The following INTS5 variants were observed in gnomAD, a reference collection of about 807,000 sequenced individuals.
INTS5 encodes integrator complex subunit 5.
Under a neutral mutation model 60.0 loss-of-function variants are expected in INTS5, and 29 were observed. The ratio of observed to expected loss-of-function variants is 0.48; its 90% CI spans 0.36 to 0.66. The LOEUF is 0.66. Ranked by LOEUF, INTS5 falls within the 30% of genes least tolerant of loss-of-function variation. The probability of loss-of-function intolerance (pLI) is 0.00; values close to 1 mark genes in which losing one functional copy is unlikely to be tolerated. For missense variants in INTS5, 1,129 were observed against 1,307.9 expected (o/e 0.86, Z 2.11); for synonymous variants, 588 against 558.8 (o/e 1.05, Z -0.74).
At position 62,648,938 on chromosome 11, in the gene INTS5, CG is replaced by C; in HGVS notation, c.1141del (p.Arg381GlufsTer8). 1 of 1,612,530 alleles carries C rather than the reference CG, an allele frequency of 6.2e-7. No individual in the cohort carries two copies. The highest frequency in any genetic ancestry group is 8.5e-7 in the Non-Finnish European group (1 of 1,179,208). On this transcript the variant is annotated frameshift_variant, in exon 2 of 2. Coordinates refer to ENST00000330574, the MANE Select transcript of INTS5 (RefSeq NM_030628.2). LOFTEE classifies it high-confidence loss of function. This position sits in a 1 kb window ranked among gnomAD's most constrained non-coding sequence, Gnocchi z 4.4. Reference sequence around the variant, plus strand: ...GTTCAACATGTTGTCCAGCTCCTCTCGGGGGAATCCTTGAAGGTGTTGCTGC... The same window carrying C: ...GTTCAACATGTTGTCCAGCTCCTCTCGGGGAATCCTTGAAGGTGTTGCTGC... The part of the protein sequence containing the change: ...QLQQHLQGFP[R>X]EELDNMLNLA...
Position 62,649,340 on chromosome 11 carries a change from A to C in INTS5, c.740T>G (p.Leu247Arg). ...TIISRVLSCG[L>R]KDFCVHGGAG... ...CCCACCATGGACACAAAAGTCCTTA[A>C]GGCCACAGGAGAGAACCCGGGAAAT... The change falls in exon 2 of 2, where the codon CTT becomes CGT. Residue 247 changes from leucine to arginine, a missense_variant. Transcript: ENST00000330574. This position sits in a 1 kb window ranked among gnomAD's most constrained non-coding sequence, Gnocchi z 6.0. The C allele has an allele frequency of 6.2e-7, 1 of 1,614,140 alleles. No homozygotes were observed. The highest frequency in any genetic ancestry group is 1.1e-5 in the South Asian group (1 of 91,084).
rs1944581294 is a variant in INTS5, at chr11:62,649,949, G to A, written c.131C>T (p.Pro44Leu). The change falls in exon 2 of 2, where the codon CCC becomes CTC. Residue 44 changes from proline (P) to leucine (L), a missense_variant. Transcript: ENST00000330574. This position sits in a 1 kb window ranked among gnomAD's most constrained non-coding sequence, Gnocchi z 6.0. ...EIKAFLTGVDPILGHQLSARE... is the reference protein window; with the variant it reads ...EIKAFLTGVDLILGHQLSARE... Reference sequence around the variant, plus strand: ...GGCTGAGAGTTGGTGGCCCAGAATGGGGTCTACGCCAGTCAGAAAAGCCTT... The same window carrying A: ...GGCTGAGAGTTGGTGGCCCAGAATGAGGTCTACGCCAGTCAGAAAAGCCTT... 1 of 1,614,060 alleles carries A rather than the reference G, an allele frequency of 6.2e-7. No individual in the cohort carries two copies. The highest frequency in any genetic ancestry group is 1.3e-5 in the African/African-American group (1 of 74,924).
At position 62,650,419 on chromosome 11, in the gene INTS5, G is replaced by C. The variant is rs568674936; in HGVS notation, c.81-420C>G. On this transcript the variant is annotated intron_variant, in intron 1 of 1. Coordinates refer to ENST00000330574, the MANE Select transcript of INTS5 (RefSeq NM_030628.2). ...GCGTGAGCCACCGCGCCCGGCCTTT[G>C]TTTTGTTTTTTGAGATAGAGTCTTG... Among the ~76,000 whole-genome samples, 9 of 150,822 alleles carry C rather than the reference G, an allele frequency of 6.0e-5. No individual in the cohort carries two copies. In the South Asian group the frequency reaches 1.7e-3, roughly 28 times the overall value.
chr11:62,653,251 C>T lies in INTS5; in HGVS notation c.-2G>A. On this transcript the variant is annotated 5_prime_UTR_variant, in exon 1 of 2. Transcript: ENST00000330574. The stretch of plus-strand genomic sequence containing the variant: ...GGGAGGGTCGCACAGCGCGGACATC[C>T]CGGAGCCCGAGCCGAGCCCGAGGCG... 8.0e-7 allele frequency: 1 copy of T among 1,242,820 alleles called. No individual in the cohort carries two copies. The highest frequency in any genetic ancestry group is 1.0e-6 in the Non-Finnish European group (1 of 987,452). The allele number at this position is 1,242,820 out of a possible 1,614,324, so 77.0% of individuals were successfully genotyped here. A position where few individuals can be genotyped will look rare whatever the true frequency, so the allele number is the denominator to read the frequency against.
Position 62,646,925 on chromosome 11 carries a change from A to G in INTS5, c.*95T>C. On this transcript the variant is annotated 3_prime_UTR_variant, in exon 2 of 2. Coordinates refer to ENST00000330574, the MANE Select transcript of INTS5 (RefSeq NM_030628.2). ...AAAAGTGACAGCGCTCTTTAGACCA[A>G]GGACTTAGAAGAGAAACCTCCACCC... 1 of 1,078,554 alleles carries G rather than the reference A, an allele frequency of 9.3e-7. No homozygotes were observed. Among genetic ancestry groups the G allele is most frequent in the Non-Finnish European group, 1.4e-6 (1 of 740,220 alleles). 66.8% of individuals were successfully genotyped at this position (1,078,554 alleles called of 1,614,324 possible).
At position 62,649,427 on chromosome 11, in the gene INTS5, T is replaced by C. The variant is rs1944576097; in HGVS notation, c.653A>G (p.Gln218Arg). The C allele has an allele frequency of 1.9e-6, 3 of 1,614,170 alleles. No individual in the cohort carries two copies. Among genetic ancestry groups the C allele is most frequent in the Admixed American group, 1.7e-5 (1 of 60,008 alleles). ...AACCCAGTCAAAGTGTGGAGAATGC[T>C]GAACAGAGGTATCCAGCAAGGCATC... ...CVDALLDTSV[Q>R]HSPHFDWVVA... Residue 218 changes from glutamine (Q) to arginine (R), a missense_variant, in exon 2 of 2, where the codon CAG becomes CGG. This residue lies in a region of INTS5 where 1,070 missense variants were observed against 1,246.1 expected (regional missense o/e 0.86). Transcript: ENST00000330574. The surrounding 1 kb of genome is among the most constrained non-coding windows in gnomAD (Gnocchi z 6.0).
At position 62,649,148 on chromosome 11, in the gene INTS5, C is replaced by T. The variant is rs758667902; in HGVS notation, c.932G>A (p.Arg311Gln). 21 of 1,613,356 alleles carry T rather than the reference C, an allele frequency of 1.3e-5. No individual in the cohort carries two copies. The African/African-American group carries it at 2.0e-4, about 15-fold the overall frequency. ...LASRHGDSIR[R>Q]ELLRMFHDSL... Reference sequence around the variant, plus strand: ...ATCATGGAACATTCGCAGGAGCTCCCGTCGGATGCTATCTCCGTGGCGGGA... The same window carrying T: ...ATCATGGAACATTCGCAGGAGCTCCTGTCGGATGCTATCTCCGTGGCGGGA... Residue 311 changes from arginine to glutamine, a missense_variant, in exon 2 of 2, where the codon CGG becomes CAG. Arg to Gln is a conservative substitution (Grantham distance 43, BLOSUM62 1). Transcript: ENST00000330574. This position sits in a 1 kb window ranked among gnomAD's most constrained non-coding sequence, Gnocchi z 6.0.
At chr11:62,651,636 TCGCTTGAG>T (rs1387664504) in intron 1 of INTS5, among the ~76,000 whole-genome samples, 1 of 151,992 alleles carries the variant, frequency 6.6e-6, no homozygotes, top group Non-Finnish European at 1.5e-5. Flanking sequence ...GGCTGGTGGA[TCGCTTGAG>T]CGCAAGAGTT....
chr11:62,650,166 G>T (rs538330966), intron 1 of INTS5, among the ~76,000 whole-genome samples, 167 bp from the exon 2 acceptor site: 1 of 152,188 alleles, frequency 6.6e-6, no homozygotes, highest in East Asian at 1.9e-4. Flanking sequence ...GTCCAGGCTG[G>T]AGTGCAGTGG....
Position 62,647,818 on chromosome 11 carries a change from G to C in INTS5, c.2262C>G (p.Ile754Met). Residue 754 changes from isoleucine (I) to methionine (M), a missense_variant, in exon 2 of 2, where the codon ATC becomes ATG. By Grantham distance (10) the Ile-to-Met change is conservative. Coordinates refer to ENST00000330574, the MANE Select transcript of INTS5 (RefSeq NM_030628.2). ...ACTTGGGTGGCTTTAAGCCACGGCC[G>C]ATGACTCCAGCATGGAAAACTGACC... is the stretch of plus-strand genomic sequence containing the variant. The part of the protein sequence containing the change: ...GIWSVFHAGV[I>M]GRGLKPPKFV... The C allele has an allele frequency of 3.1e-6, 5 of 1,614,240 alleles. No homozygotes were observed. The highest frequency in any genetic ancestry group is 2.5e-6 in the Non-Finnish European group (3 of 1,180,044).
At position 62,647,281 on chromosome 11, in the gene INTS5, T is replaced by C. The variant is rs1944527911; in HGVS notation, c.2799A>G (p.Gln933=). 8 of 1,614,118 alleles carry C rather than the reference T, an allele frequency of 5.0e-6. No individual in the cohort carries two copies. The highest frequency in any genetic ancestry group is 2.7e-5 in the African/African-American group (2 of 74,944). ...ALGNMHEVFS[Q]LAPFEVRLLL... ...GCAGACGCACCTCGAAAGGTGCCAGTTGGCTAAATACTTCATGCATATTAC... is the reference window on the plus strand; with the variant it reads ...GCAGACGCACCTCGAAAGGTGCCAGCTGGCTAAATACTTCATGCATATTAC... Residue 933 remains glutamine, a synonymous_variant, in exon 2 of 2, where the codon CAA becomes CAG. Coordinates refer to ENST00000330574, the MANE Select transcript of INTS5 (RefSeq NM_030628.2).
rs368021915 is a variant in INTS5 at position 62,647,729 on chromosome 11, A to C, written c.2351T>G (p.Val784Gly). The change falls in exon 2 of 2, where the codon GTT (valine) becomes GGT (glycine). Residue 784 changes from valine to glycine, a missense_variant. Around this residue, in one of 3 missense-constraint regions of INTS5, gnomAD observed 1,070 missense variants for 1,246.1 expected, o/e 0.86. Coordinates refer to ENST00000330574, the MANE Select transcript of INTS5 (RefSeq NM_030628.2). ...YNTQSLLSLL[V>G]HCCSAPGGTE... ...GCCCCCTGGGGCACTGCAGCAGTGAACCAGGAGGCTGAGGAGGCTCTGGGT... is the reference window on the plus strand; with the variant it reads ...GCCCCCTGGGGCACTGCAGCAGTGACCCAGGAGGCTGAGGAGGCTCTGGGT... The C allele has an allele frequency of 2.5e-6, 4 of 1,614,098 alleles. No individual in the cohort carries two copies. The African/African-American group carries it at 5.3e-5, about 22-fold the overall frequency.
Position 62,647,167 on chromosome 11 carries a change from C to A in INTS5, c.2913G>T (p.Arg971=). The A allele has an allele frequency of 6.2e-7, 1 of 1,614,212 alleles. No homozygotes were observed. Among genetic ancestry groups the A allele is most frequent in the Non-Finnish European group, 8.5e-7 (1 of 1,180,044 alleles). ...IFQSERGRFI[R]DFSREGGGEG... ...CACCTCCACCCTCCCTGGAGAAGTC[C>A]CGAATGAAGCGACCCCGCTCTGATT... The change falls in exon 2 of 2, where the codon CGG becomes CGT. Residue 971 remains arginine (R), a synonymous_variant. Transcript: ENST00000330574.
rs777455538 is a variant in INTS5 at position 62,649,520 on chromosome 11, C to T, written c.560G>A (p.Arg187His). The change falls in exon 2 of 2, where the codon CGT (arginine) becomes CAT (histidine). Residue 187 changes from arginine to histidine, a missense_variant. Physicochemically the swap from Arg to His is conservative, Grantham distance 29. Coordinates refer to ENST00000330574, the MANE Select transcript of INTS5 (RefSeq NM_030628.2). This position sits in a 1 kb window ranked among gnomAD's most constrained non-coding sequence, Gnocchi z 6.0. ...CTGCACATAGATGTCCATTAATGTA[C>T]GCGTGGCCCTACAACCCATCCACAG... ...LQLWMGCRAT[R>H]TLMDIYVQCL... is the part of the protein sequence containing the mutation. 14 of 1,614,100 alleles carry T rather than the reference C, an allele frequency of 8.7e-6. No individual in the cohort carries two copies. Among genetic ancestry groups the T allele is most frequent in the Admixed American group, 5.0e-5 (3 of 60,006 alleles).
At position 62,653,178 on chromosome 11, in the gene INTS5, C is replaced by A; in HGVS notation, c.72G>T (p.Ala24=). 1 of 1,247,196 alleles carries A rather than the reference C, an allele frequency of 8.0e-7. No individual in the cohort carries two copies. Among genetic ancestry groups the A allele is most frequent in the Non-Finnish European group, 1.0e-6 (1 of 987,082 alleles). The allele number at this position is 1,247,196 out of a possible 1,614,324, so 77.3% of individuals were successfully genotyped here. ...PGPAPATHGP[A]PLSAQELSQE... is the part of the protein sequence containing the mutation. ...CCAAGGGCTCTAACTACCTGAGAGGCGCGGGACCGTGGGTGGCCGGGGCAG... is the reference window on the plus strand; with the variant it reads ...CCAAGGGCTCTAACTACCTGAGAGGAGCGGGACCGTGGGTGGCCGGGGCAG... Residue 24 remains alanine (A), a synonymous_variant, in exon 1 of 2, where the codon GCG becomes GCT. Coordinates refer to ENST00000330574, the MANE Select transcript of INTS5 (RefSeq NM_030628.2).
chr11:62,650,814 C>T (rs1944587498), intron 1 of INTS5, among the ~76,000 whole-genome samples: 1 of 151,830 alleles, frequency 6.6e-6, no homozygotes, highest in African/African-American at 2.4e-5. Flanking sequence ...CTCAAAGCAT[C>T]CTCCCATCTC....
At chr11:62,653,083 C>T in intron 1 of INTS5, 87 bp downstream of exon 1, 2 of 830,800 alleles carry the variant, frequency 2.4e-6, no homozygotes, top group Non-Finnish European at 3.3e-6. Context: ...CGTGAGTTCT[C>T]GAGGTAGGAT....
Position 62,647,679 on chromosome 11 carries a change from C to A in INTS5, c.2401G>T (p.Ala801Ser). 1 of 1,614,082 alleles carries A rather than the reference C, an allele frequency of 6.2e-7. No homozygotes were observed. The change falls in exon 2 of 2, where the codon GCA becomes TCA. Residue 801 changes from alanine to serine, a missense_variant. By Grantham distance (99) the Ala-to-Ser change is moderately conservative. Around this residue, in one of 3 missense-constraint regions of INTS5, gnomAD observed 1,070 missense variants for 1,246.1 expected, o/e 0.86. Coordinates refer to ENST00000330574, the MANE Select transcript of INTS5 (RefSeq NM_030628.2). Reference protein sequence around the residue: ...GGTECGECWGAPILSPEAAKA... With the variant: ...GGTECGECWGSPILSPEAAKA... ...GCTGCCTCTGGACTCAAGATGGGTG[C>A]CCCCCAGCATTCCCCACATTCAGTG...
rs768489548 is a variant in INTS5 at position 62,648,426 on chromosome 11, G to T, written c.1654C>A (p.Leu552Met). The change falls in exon 2 of 2, where the codon CTG becomes ATG. Residue 552 changes from leucine (L) to methionine (M), a missense_variant. This residue lies in a region of INTS5 where 1,070 missense variants were observed against 1,246.1 expected (regional missense o/e 0.86). Transcript: ENST00000330574. The surrounding 1 kb of genome is among the most constrained non-coding windows in gnomAD (Gnocchi z 4.4). The part of the protein sequence containing the change: ...LVVSLSGLLP[L>M]AFRSCLARVH... Reference sequence around the variant, plus strand: ...CGAGCCAGACAGCTTCGGAAAGCCAGGGGCAGGAGGCCAGAGAGGCTGACC... The same window carrying T: ...CGAGCCAGACAGCTTCGGAAAGCCATGGGCAGGAGGCCAGAGAGGCTGACC... The T allele has an allele frequency of 3.2e-5, 52 of 1,614,228 alleles. No homozygotes were observed. In the East Asian group the frequency reaches 1.1e-3, roughly 33 times the overall value.
Sources: gnomAD v4.1 joint callset for allele counts (sites outside exome capture counted in the v4.1 genomes callset) on GRCh38, gnomAD v4.1.1 for gene constraint, gnomAD v4.1.1 regional missense constraint, Gnocchi (gnomAD v3.1) non-coding constraint, MANE v1.5 for transcripts, NCBI Gene and HGNC (gene_info 2026-07-23, HGNC 2026-07-21) for gene names.